Variants in SCOC observed in about 807,000 individuals in gnomAD.
SCOC encodes the protein short coiled coil protein.
SCOC carries 7 observed loss-of-function variants against 9.9 expected under a neutral mutation model. The ratio of observed to expected loss-of-function variants is 0.71; its 90% CI spans 0.40 to 1.33. The LOEUF is 1.33. SCOC is among the 40% of genes most tolerant of loss of function. The pLI is 0.01. For missense variants in SCOC, 66 were observed against 89.7 expected, an observed-to-expected ratio of 0.74 and a Z score of 1.07; for synonymous variants, 19 against 28.2, an observed-to-expected ratio of 0.67 and a Z score of 1.03.
At chr4:140,311,810 G>T (rs770073800) in intron 1 of SCOC, among the ~76,000 whole-genome samples, 2 of 152,182 alleles carry the variant, frequency 1.3e-5, no homozygotes, top group African/African-American at 2.4e-5. Context: ...TAAAATGAAA[G>T]AATTGTGTAA....
At chr4:140,362,301 T>TCTTCTTCTTCTTCCTTCTTCCTTCTTC in intron 2 of SCOC, among the ~76,000 whole-genome samples, 1 of 29,410 alleles carries the variant, frequency 3.4e-5, no homozygotes, top group Non-Finnish European at 7.4e-5. Context: ...TTCTTCTTCT[T>TCTTCTTCTTCTTCCTTCTTCCTTCTTC]TTTTTTTTTT....
chr4:140,344,864 G>C (rs1170143130), intron 2 of SCOC, among the ~76,000 whole-genome samples: 1 of 152,150 alleles, frequency 6.6e-6, no homozygotes, highest in Non-Finnish European at 1.5e-5. Context: ...GATGCAGTTC[G>C]TAGAGAAAGC....
chr4:140,280,311 T>C (rs1385903891), intron 1 of SCOC, among the ~76,000 whole-genome samples: 1 of 152,164 alleles, frequency 6.6e-6, no homozygotes, highest in African/African-American at 2.4e-5. Context: ...TGTTTTTTTG[T>C]AGAGACAGGG....
At chr4:140,273,402 C>T (rs1730894904) in intron 1 of SCOC, among the ~76,000 whole-genome samples, 1 of 152,138 alleles carries the variant, frequency 6.6e-6, no homozygotes, top group African/African-American at 2.4e-5. Flanking sequence ...GTTTATACAT[C>T]TTCTTTGGAA....
intron 2 of SCOC, among the ~76,000 whole-genome samples, chr4:140,355,867 T>C (rs1388469618): frequency 6.6e-6 from 1 of 152,188 alleles, no homozygotes; most frequent in African/African-American, 2.4e-5. Context: ...TTACAGGTTA[T>C]TAGATTTTCA....
chr4:140,370,759 CTAAT>C (rs1222723126), upstream of SCOC, among the ~76,000 whole-genome samples: 6 of 151,930 alleles, frequency 3.9e-5, no homozygotes, highest in Non-Finnish European at 5.9e-5. Context: ...GTTATTTTAC[CTAAT>C]TATTAGTGAA....
chr4:140,368,218 G>A (rs939236239), intron 2 of SCOC, among the ~76,000 whole-genome samples: 32 of 152,296 alleles, frequency 2.1e-4, no homozygotes, highest in Middle Eastern at 3.4e-3. Context: ...TGCTTGTCAC[G>A]TTGTTGGTAG....
intron 2 of SCOC, among the ~76,000 whole-genome samples, chr4:140,344,547 G>A (rs1726638426): frequency 1.3e-5 from 2 of 152,178 alleles, no homozygotes; most frequent in South Asian, 4.1e-4. Flanking sequence ...CTAAAGTGCA[G>A]CCAGACAATT....
intron 1 of SCOC, among the ~76,000 whole-genome samples, chr4:140,282,383 A>G (rs1176211109): frequency 6.6e-6 from 1 of 152,198 alleles, no homozygotes; most frequent in African/African-American, 2.4e-5. Flanking sequence ...CACTTTAAGA[A>G]AACCTGACAT....
At chr4:140,366,717 C>T in intron 2 of SCOC, 1 of 1,584,556 alleles carries the variant, frequency 6.3e-7, no homozygotes, top group Non-Finnish European at 8.7e-7. Context: ...AAGGCATGGT[C>T]TGTCTCCTCA....
rs193174951 is a variant in SCOC, at chr4:140,326,820, T to C, written c.-18-16801T>C. Among the ~76,000 whole-genome samples, 65 of 152,304 alleles carry C rather than the reference T, an allele frequency of 4.3e-4. 1 individual carries two copies. The highest frequency in any genetic ancestry group is 3.3e-3 in the Admixed American group (50 of 15,292). The stretch of plus-strand genomic sequence containing the variant: ...AAATTATGAATTAGACACAAAGAAC[T>C]GGAGCCCCAGTAAAGCTCAATCTGA... On this transcript the variant is annotated intron_variant, in intron 1 of 4. Transcript: ENST00000394205.
rs1388637001 is a variant in SCOC, at chr4:140,382,274, T to G, written c.*1170T>G. The G allele has an allele frequency of 6.6e-6, 1 of 152,284 alleles. No individual in the cohort carries two copies. Among genetic ancestry groups the G allele is most frequent in the African/African-American group, 2.4e-5 (1 of 41,458 alleles). 9.4% of individuals were successfully genotyped at this position (152,284 alleles called of 1,614,324 possible). A position where few individuals can be genotyped will look rare whatever the true frequency, so the allele number is the denominator to read the frequency against. On this transcript the variant is annotated 3_prime_UTR_variant, in exon 4 of 4. Coordinates refer to ENST00000608372, the MANE Select transcript of SCOC (RefSeq NM_001153484.2). The stretch of plus-strand genomic sequence containing the variant: ...CTTTAACAATTTTTAAAAATTTAGC[T>G]TCTAGATTCCATTTGGTAAGGAAAT...
At chr4:140,355,211 T>TTTTATA (rs1727159352) in intron 2 of SCOC, among the ~76,000 whole-genome samples, 2 of 61,424 alleles carry the variant, frequency 3.3e-5, no homozygotes, top group Non-Finnish European at 8.2e-5. Flanking sequence ...CATTATATTT[T>TTTTATA]TATATATATA....
At chr4:140,369,360 G>T, upstream of SCOC, 1 of 368,178 alleles carries the variant, frequency 2.7e-6, no homozygotes, top group Non-Finnish European at 5.4e-6. Flanking sequence ...CCTTTCAAGT[G>T]AAAAAAATGA....
chr4:140,275,778 G>A (rs182938819), intron 1 of SCOC, among the ~76,000 whole-genome samples: 1 of 150,236 alleles, frequency 6.7e-6, no homozygotes, highest in East Asian at 2.0e-4. Context: ...ATTAGGGAGG[G>A]TACCCAACTT....
intron 1 of SCOC, among the ~76,000 whole-genome samples, chr4:140,296,840 C>T (rs886343511): frequency 3.3e-5 from 5 of 152,138 alleles, no homozygotes; most frequent in African/African-American, 1.2e-4. Flanking sequence ...TTTCTTCCAT[C>T]TTAACAGTAT....
chr4:140,308,535 C>A (rs1403898668), intron 1 of SCOC, among the ~76,000 whole-genome samples: 3 of 152,160 alleles, frequency 2.0e-5, no homozygotes. Context: ...TGCCAAGATT[C>A]TTTGATGACA....
At chr4:140,260,500 A>C (rs1731289731) in intron 1 of SCOC, among the ~76,000 whole-genome samples, 1 of 152,210 alleles carries the variant, frequency 6.6e-6, no homozygotes, top group African/African-American at 2.4e-5. Context: ...AGAGACTAAA[A>C]GATCTATCAT....
chr4:140,374,850 A>G (rs1728265796), intron 1 of SCOC, among the ~76,000 whole-genome samples: 1 of 152,216 alleles, frequency 6.6e-6, no homozygotes, highest in Non-Finnish European at 1.5e-5. Context: ...AAAGATATAT[A>G]GACTTTCTGA....
Sources: gnomAD v4.1 joint callset for allele counts (sites outside exome capture counted in the v4.1 genomes callset) on GRCh38, gnomAD v4.1.1 for gene constraint, MANE v1.5 for transcripts, NCBI Gene and HGNC (gene_info 2026-07-23, HGNC 2026-07-21) for gene names.